UNC5C: variants seen among roughly 807,000 people sequenced by gnomAD.
UNC5C encodes unc-5 netrin receptor C, also known as netrin receptor UNC5C.
A neutral mutation model predicts 99.8 loss-of-function variants in UNC5C; 47 were observed. The ratio of observed to expected loss-of-function variants is 0.47; its 90% CI spans 0.37 to 0.60. UNC5C has a LOEUF of 0.60. Among genes scored for constraint, UNC5C ranks in the 20% least tolerant of loss-of-function variants. UNC5C has a pLI of 0.00. For synonymous variants in UNC5C, 487 were observed against 452.2 expected (o/e 1.08, Z -0.98); for missense variants, 1,062 against 1,165.9 (o/e 0.91, Z 1.30).
intron 2 of UNC5C, among the ~76,000 whole-genome samples, chr4:95,308,490 C>T (rs1057150461): frequency 3.3e-5 from 5 of 151,918 alleles, no homozygotes; most frequent in Admixed American, 6.6e-5. Context: ...CGGTGGCTCA[C>T]GCCTGTAATC....
intron 1 of UNC5C, among the ~76,000 whole-genome samples, chr4:95,536,577 A>G (rs772223655): frequency 3.9e-5 from 6 of 152,236 alleles, no homozygotes; most frequent in Non-Finnish European, 7.3e-5. Context: ...TCATAATACT[A>G]GTTCATAGAT....
intron 3 of UNC5C, among the ~76,000 whole-genome samples, chr4:95,282,406 T>C (rs1323948772): frequency 6.6e-6 from 1 of 152,030 alleles, no homozygotes; most frequent in Admixed American, 6.6e-5. Flanking sequence ...AAATGACCAT[T>C]CTGGGTACTG....
chr4:95,243,426 C>G (rs1407607983), intron 6 of UNC5C, among the ~76,000 whole-genome samples: 1 of 152,068 alleles, frequency 6.6e-6, no homozygotes, highest in Non-Finnish European at 1.5e-5. Flanking sequence ...TTCAATCACA[C>G]TTCAAAATGC....
intron 1 of UNC5C, among the ~76,000 whole-genome samples, chr4:95,388,355 A>G (rs1745267420): frequency 6.6e-6 from 1 of 152,208 alleles, no homozygotes; most frequent in Admixed American, 6.5e-5. Flanking sequence ...TTGTTTCACA[A>G]TATAATCAAA....
chr4:95,455,923 T>A (rs1245972887), intron 1 of UNC5C, among the ~76,000 whole-genome samples: 2 of 152,128 alleles, frequency 1.3e-5, no homozygotes, highest in Non-Finnish European at 2.9e-5. Context: ...GTTTGATACA[T>A]CAGTATTCCT....
intron 1 of UNC5C, among the ~76,000 whole-genome samples, chr4:95,542,791 C>T (rs989922859): frequency 3.3e-5 from 5 of 151,858 alleles, no homozygotes; most frequent in African/African-American, 1.2e-4. Context: ...TCTGGTGGCT[C>T]CATACAGGTA....
chr4:95,222,382 T>G, intron 7 of UNC5C: 1 of 597,768 alleles, frequency 1.7e-6, no homozygotes, highest in Non-Finnish European at 2.7e-6. Context: ...TGTGGTCTTT[T>G]AAAATTCTGA....
At chr4:95,354,480 T>TATATATATATATATATATATA (rs760696053) in intron 1 of UNC5C, among the ~76,000 whole-genome samples, 3 of 105,646 alleles carry the variant, frequency 2.8e-5, no homozygotes, top group African/African-American at 4.1e-5. Flanking sequence ...TATATATATA[T>TATATATATATATATATATATA]TTTTTTTTTT....
chr4:95,428,070 G>A (rs1746532758), intron 1 of UNC5C, among the ~76,000 whole-genome samples: 1 of 149,500 alleles, frequency 6.7e-6, no homozygotes, highest in Admixed American at 6.7e-5. Context: ...AGGGCTTAGG[G>A]TTTTGTTTTT....
intron 1 of UNC5C, among the ~76,000 whole-genome samples, chr4:95,455,788 A>C (rs1341497970): frequency 6.6e-6 from 1 of 152,122 alleles, no homozygotes; most frequent in African/African-American, 2.4e-5. Context: ...ATATTAGTTC[A>C]AGTTATTAAT....
intron 1 of UNC5C, among the ~76,000 whole-genome samples, chr4:95,482,491 C>A (rs1721190182): frequency 6.7e-6 from 1 of 148,688 alleles, no homozygotes; most frequent in Non-Finnish European, 1.5e-5. Context: ...CCATTTGACC[C>A]AGCCATCCCA....
At chr4:95,536,082 A>ATATATT (rs1180330785) in intron 1 of UNC5C, among the ~76,000 whole-genome samples, 100 of 78,442 alleles carry the variant, frequency 1.3e-3, no homozygotes, top group African/African-American at 3.5e-3. Context: ...ATATATATAT[A>ATATATT]TTTTTTTTTT....
chr4:95,278,366 G>C lies in UNC5C; in HGVS notation c.491-4C>G. 1 of 1,609,894 alleles carries C rather than the reference G, an allele frequency of 6.2e-7. No homozygotes were observed. The highest frequency in any genetic ancestry group is 2.2e-5 in the East Asian group (1 of 44,862). On this transcript the variant is annotated splice_polypyrimidine_tract_variant and splice_region_variant and intron_variant, in intron 3 of 15. Transcript: ENST00000453304. ...TGCTCAAATGTCTTCCGTAGATCTG[G>C]AACGTAAAAGTGACAAAATACATGT...
chr4:95,470,504 C>A, intron 1 of UNC5C, among the ~76,000 whole-genome samples: 1 of 151,974 alleles, frequency 6.6e-6, no homozygotes, highest in Non-Finnish European at 1.5e-5. Flanking sequence ...TGAGATATAG[C>A]CTTGGAAGGG....
chr4:95,500,742 C>G (rs1164540511), intron 1 of UNC5C, among the ~76,000 whole-genome samples: 1 of 152,094 alleles, frequency 6.6e-6, no homozygotes, highest in African/African-American at 2.4e-5. Flanking sequence ...TGCAGCCAGG[C>G]AGAAAGCTCT....
chr4:95,494,373 C>T (rs1391136341), intron 1 of UNC5C, among the ~76,000 whole-genome samples: 1 of 151,400 alleles, frequency 6.6e-6, no homozygotes. Flanking sequence ...ATTTCAGAAC[C>T]TTTAAAAAAG....
intron 1 of UNC5C, among the ~76,000 whole-genome samples, chr4:95,393,214 G>A (rs184088427): frequency 1.3e-5 from 2 of 152,228 alleles, no homozygotes; most frequent in Non-Finnish European, 2.9e-5. Context: ...TAAAAGCCAT[G>A]ACTGTTGACT....
At chr4:95,272,609 T>C (rs1047788280) in intron 4 of UNC5C, among the ~76,000 whole-genome samples, 4 of 152,238 alleles carry the variant, frequency 2.6e-5, no homozygotes, top group African/African-American at 9.6e-5. Flanking sequence ...GAATGTTGAT[T>C]GGACCAAAGC....
intron 4 of UNC5C, among the ~76,000 whole-genome samples, chr4:95,263,791 T>C (rs1419130071): frequency 1.3e-5 from 2 of 152,230 alleles, no homozygotes; most frequent in African/African-American, 4.8e-5. Flanking sequence ...GGATACTATA[T>C]GTCAAAGCAC....
Sources: gnomAD v4.1 joint callset for allele counts (sites outside exome capture counted in the v4.1 genomes callset) on GRCh38, gnomAD v4.1.1 for gene constraint, MANE v1.5 for transcripts, NCBI Gene and HGNC (gene_info 2026-07-23, HGNC 2026-07-21) for gene names.